DPP10: variants seen among roughly 807,000 people sequenced by gnomAD.
The protein encoded by DPP10 is inactive dipeptidyl peptidase 10.
In DPP10, 33 loss-of-function variants were observed where a neutral mutation model predicts 120.9. The observed-to-expected ratio is 0.27, with a 90% CI of 0.21 to 0.37. DPP10 has a LOEUF of 0.37. DPP10 is among the 10% of genes least tolerant of loss of function. The pLI, the probability that DPP10 is intolerant of heterozygous loss-of-function variation, is 1.00. For synonymous variants in DPP10, 337 were observed against 326.1 expected, an observed-to-expected ratio of 1.03 and a Z score of -0.36; for missense variants, 816 against 942.8, an observed-to-expected ratio of 0.87 and a Z score of 1.76.
chr2:115,666,323 G>A (rs961232789), intron 5 of DPP10, among the ~76,000 whole-genome samples: 2 of 152,108 alleles, frequency 1.3e-5, no homozygotes, highest in African/African-American at 4.8e-5. Context: ...AAGGGAAGCA[G>A]GCACCTTCTT....
chr2:115,374,668 GTCA>G (rs1014198278), intron 3 of DPP10, among the ~76,000 whole-genome samples: 1 of 152,222 alleles, frequency 6.6e-6, no homozygotes, highest in African/African-American at 2.4e-5. Context: ...GTTTCCATAT[GTCA>G]TCTGAAATCC....
At chr2:115,350,363 G>C (rs2063945849) in intron 3 of DPP10, among the ~76,000 whole-genome samples, 2 of 152,016 alleles carry the variant, frequency 1.3e-5, no homozygotes, top group African/African-American at 2.4e-5. Flanking sequence ...TAGAGTGATT[G>C]AGTTGTTTTT....
At chr2:114,472,691 A>G (rs2104623069) in intron 1 of DPP10, among the ~76,000 whole-genome samples, 2 of 152,314 alleles carry the variant, frequency 1.3e-5, no homozygotes, top group Non-Finnish European at 2.9e-5. Flanking sequence ...ACTTCTAGTA[A>G]CTTACCAGAA....
intron 5 of DPP10, among the ~76,000 whole-genome samples, chr2:115,563,511 A>G (rs2080817265): frequency 6.6e-6 from 1 of 152,198 alleles, no homozygotes; most frequent in Admixed American, 6.5e-5. Context: ...GTGAACAGTG[A>G]TGTGGAAAAT....
intron 1 of DPP10, among the ~76,000 whole-genome samples, chr2:114,757,235 G>C (rs1423760423): frequency 7.0e-6 from 1 of 142,818 alleles, no homozygotes; most frequent in Non-Finnish European, 1.5e-5. Flanking sequence ...GGGGAAGAGG[G>C]AGGAAGGAAG....
At chr2:115,072,651 TAA>T (rs1022867871) in intron 1 of DPP10, among the ~76,000 whole-genome samples, 1 of 152,156 alleles carries the variant, frequency 6.6e-6, no homozygotes, top group African/African-American at 2.4e-5. Context: ...TAAATAAGTT[TAA>T]GAGTAGCAAA....
chr2:115,306,975 A>G (rs904234868), intron 1 of DPP10, among the ~76,000 whole-genome samples: 1 of 152,098 alleles, frequency 6.6e-6, no homozygotes, highest in Non-Finnish European at 1.5e-5. Flanking sequence ...TGTTCTAGAA[A>G]TATTTATCTT....
intron 1 of DPP10, among the ~76,000 whole-genome samples, chr2:115,169,089 G>C (rs1449796365): frequency 6.6e-6 from 1 of 151,922 alleles, no homozygotes; most frequent in Non-Finnish European, 1.5e-5. Flanking sequence ...ATTACATTTT[G>C]GGGAGAGGCA....
chr2:115,191,683 T>A (rs1040664741), intron 1 of DPP10, among the ~76,000 whole-genome samples: 2 of 152,166 alleles, frequency 1.3e-5, no homozygotes, highest in African/African-American at 4.8e-5. Flanking sequence ...GGGTCCATCC[T>A]TTTTCTGGTG....
intron 5 of DPP10, among the ~76,000 whole-genome samples, chr2:115,621,607 G>A (rs764663198): frequency 2.6e-5 from 4 of 151,966 alleles, no homozygotes; most frequent in Non-Finnish European, 5.9e-5. Flanking sequence ...TTTTCAATCC[G>A]CACAATTTTT....
chr2:115,095,803 T>C (rs966959051), intron 1 of DPP10, among the ~76,000 whole-genome samples: 29 of 152,094 alleles, frequency 1.9e-4, no homozygotes, highest in African/African-American at 6.5e-4. Context: ...GGAAAATTAG[T>C]ATTGCCTTAT....
intron 1 of DPP10, among the ~76,000 whole-genome samples, chr2:114,824,205 G>C (rs2106369095): frequency 1.3e-5 from 2 of 152,304 alleles, no homozygotes; most frequent in South Asian, 4.1e-4. Flanking sequence ...TATGACCTTA[G>C]TGTTAATACT....
intron 21 of DPP10, among the ~76,000 whole-genome samples, chr2:115,828,609 C>T (rs1489855840): frequency 1.3e-5 from 2 of 151,998 alleles, no homozygotes; most frequent in Admixed American, 1.3e-4. Flanking sequence ...GCCTCAACTT[C>T]ATTCTTCAAG....
chr2:115,459,774 A>T (rs2073869689), intron 3 of DPP10, among the ~76,000 whole-genome samples: 1 of 151,816 alleles, frequency 6.6e-6, no homozygotes, highest in African/African-American at 2.4e-5. Flanking sequence ...AATCTGTCCA[A>T]CTTCCAACAG....
rs117898109 is a variant in DPP10 at position 115,259,590 on chromosome 2, A to C, written c.61-49649A>C. Among the ~76,000 whole-genome samples the C allele has an allele frequency of 2.0e-5, 3 of 152,284 alleles. No individual in the cohort carries two copies. In the East Asian group the frequency reaches 5.8e-4, roughly 29 times the overall value. ...CCAGAATGACCCTAGAAAACCATTT[A>C]CTTATTGTTCATTGGCCAAGAACAT... On this transcript the variant is annotated intron_variant, in intron 1 of 25. Transcript: ENST00000410059.
intron 4 of DPP10, among the ~76,000 whole-genome samples, chr2:115,504,992 G>A (rs2076868545): frequency 6.6e-6 from 1 of 151,920 alleles, no homozygotes; most frequent in Admixed American, 6.6e-5. Flanking sequence ...AGGTTTAAAG[G>A]GCTAAAATTG....
chr2:115,782,408 A>G lies in DPP10; in HGVS notation c.1531+9A>G, dbSNP rs2149872982. Reference sequence around the variant, plus strand: ...TACGGACAACCCAGCAAGTGAGTACACAAGAAGACAATTAAGAATAGTTAT... The same window carrying G: ...TACGGACAACCCAGCAAGTGAGTACGCAAGAAGACAATTAAGAATAGTTAT... On this transcript the variant is annotated intron_variant, in intron 17 of 25. Transcript: ENST00000410059. The G allele has an allele frequency of 6.2e-7, 1 of 1,610,248 alleles. No individual in the cohort carries two copies. The highest frequency in any genetic ancestry group is 8.5e-7 in the Non-Finnish European group (1 of 1,176,604).
chr2:115,197,132 GC>G (rs1471407020), intron 1 of DPP10, among the ~76,000 whole-genome samples: 1 of 152,136 alleles, frequency 6.6e-6, no homozygotes, highest in Non-Finnish European at 1.5e-5. Context: ...GGTGGCTCAC[GC>G]CTATAATCCC....
At chr2:115,662,081 G>A (rs139181637) in intron 5 of DPP10, among the ~76,000 whole-genome samples, 2 of 152,066 alleles carry the variant, frequency 1.3e-5, no homozygotes, top group Non-Finnish European at 2.9e-5. Context: ...TATGTTTGAT[G>A]ATTTTAGTCT....
Sources: gnomAD v4.1 joint callset for allele counts (sites outside exome capture counted in the v4.1 genomes callset) on GRCh38, gnomAD v4.1.1 for gene constraint, MANE v1.5 for transcripts, NCBI Gene and HGNC (gene_info 2026-07-23, HGNC 2026-07-21) for gene names.